CDHR2: variants seen among roughly 807,000 people sequenced by gnomAD.
The protein encoded by CDHR2 is cadherin-related family member 2.
In CDHR2, 104 loss-of-function variants were observed where a neutral mutation model predicts 138.6. The ratio of observed to expected loss-of-function variants is 0.75; its 90% CI spans 0.64 to 0.88. The LOEUF (loss-of-function observed/expected upper bound fraction) is 0.88, where lower values mean the gene tolerates loss of function less well. CDHR2 is among the 40% of genes least tolerant of loss of function. The pLI, the probability that CDHR2 is intolerant of heterozygous loss-of-function variation, is 0.00. For synonymous variants in CDHR2, 755 were observed against 742.8 expected (o/e 1.02, Z -0.27); for missense variants, 1,624 against 1,727.6 (o/e 0.94, Z 1.06).
chr5:176,574,251 C>A, intron 7 of CDHR2, 79 bp downstream of exon 7: 4 of 1,085,022 alleles, frequency 3.7e-6, no homozygotes, highest in Non-Finnish European at 4.2e-6. Context: ...AGGGCCTGAA[C>A]GTTGGGGTGG....
intron 1 of CDHR2, among the ~76,000 whole-genome samples, chr5:176,552,566 T>C (rs751577576): frequency 6.6e-6 from 1 of 152,198 alleles, no homozygotes; most frequent in Admixed American, 6.5e-5. Context: ...TGACCTATCA[T>C]GGGGAAGGCT....
intron 28 of CDHR2, 60 bp from the exon 29 acceptor site, chr5:176,591,150 T>C: frequency 1.7e-6 from 2 of 1,169,744 alleles, no homozygotes; most frequent in East Asian, 2.4e-5. Flanking sequence ...GCTCAGGGCC[T>C]CCACTGGGGA....
chr5:176,577,486 T>C lies in CDHR2; in HGVS notation c.1282T>C (p.Ser428Pro). 1 of 1,611,556 alleles carries C rather than the reference T, an allele frequency of 6.2e-7. No homozygotes were observed. ...CCCGGAGCGGGCAGTGGGCTCAGCC[T>C]CCGTTCAGGTGCTGGTGAGAGTATC... ...VSPERAVGSA[S>P]VQVLVRVSAL... The change falls in exon 13 of 32, where the codon TCC becomes CCC. Residue 428 changes from serine (S) to proline (P), a missense_variant. By Grantham distance (74) the Ser-to-Pro change is moderately conservative. This residue lies in a region of CDHR2 where 1,061 missense variants were observed against 1,136.6 expected (regional missense o/e 0.93). Coordinates refer to ENST00000261944, the MANE Select transcript of CDHR2 (RefSeq NM_017675.6).
At chr5:176,546,812 G>T (rs1396710413), upstream of CDHR2, among the ~76,000 whole-genome samples, 1 of 150,790 alleles carries the variant, frequency 6.6e-6, no homozygotes, top group African/African-American at 2.4e-5. Context: ...CCTGGTCTCT[G>T]GTCTCTTAAC....
chr5:176,589,647 A>G (rs764355727), intron 24 of CDHR2, 31 bp downstream of exon 24: 18 of 1,594,690 alleles, frequency 1.1e-5, no homozygotes. Flanking sequence ...AGGGAGGGGT[A>G]GGAAGAACAG....
At chr5:176,580,567 A>G (rs903383560) in intron 16 of CDHR2, among the ~76,000 whole-genome samples, 8 of 151,848 alleles carry the variant, frequency 5.3e-5, no homozygotes, top group Admixed American at 2.0e-4. Flanking sequence ...AAAAAAAAGA[A>G]AACAAAACAA....
rs766382729 is a variant in CDHR2 at position 176,589,018 on chromosome 5, C to G, written c.2857-13C>G. 5.0e-6 allele frequency: 8 copies of G among 1,613,564 alleles called. No individual in the cohort carries two copies. Among genetic ancestry groups the G allele is most frequent in the Non-Finnish European group, 5.9e-6 (7 of 1,179,724 alleles). On this transcript the variant is annotated splice_polypyrimidine_tract_variant and intron_variant, in intron 21 of 31. Transcript: ENST00000261944. ...TGGCTGGGCCCCCAGATATTGTCCACTCTTGCTCCCAGGCCAGAGACGATG... is the reference window on the plus strand; with the variant it reads ...TGGCTGGGCCCCCAGATATTGTCCAGTCTTGCTCCCAGGCCAGAGACGATG...
At chr5:176,548,604 G>T (rs1252187269), upstream of CDHR2, among the ~76,000 whole-genome samples, 7 of 152,186 alleles carry the variant, frequency 4.6e-5, no homozygotes, top group African/African-American at 1.4e-4. Context: ...TTAGCCGGGT[G>T]TGGAGGCCCA....
At chr5:176,559,917 G>A (rs935933656) in intron 1 of CDHR2, among the ~76,000 whole-genome samples, 1 of 152,130 alleles carries the variant, frequency 6.6e-6, no homozygotes, top group Non-Finnish European at 1.5e-5. Context: ...AGGAAATATC[G>A]GCTTCGTATG....
chr5:176,595,474 C>G, intron 31 of CDHR2, 58 bp from the exon 32 acceptor site: 2 of 1,505,532 alleles, frequency 1.3e-6, no homozygotes, highest in Non-Finnish European at 8.9e-7. Context: ...CCCCTAGGGC[C>G]TGGGGCACTC....
intron 3 of CDHR2, 50 bp from the exon 4 acceptor site, chr5:176,568,628 G>A (rs1249067078): frequency 1.9e-6 from 3 of 1,602,462 alleles, no homozygotes; most frequent in Non-Finnish European, 2.6e-6. Context: ...GGCCAGACCA[G>A]CACTGAAAGG....
At chr5:176,545,894 C>A (rs1757575638), upstream of CDHR2, among the ~76,000 whole-genome samples, 3 of 152,360 alleles carry the variant, frequency 2.0e-5, no homozygotes, top group African/African-American at 7.2e-5. Flanking sequence ...GGCAGGGCAC[C>A]ATCTGGCCAC....
chr5:176,567,036 C>A (rs1030463508), intron 3 of CDHR2: 2 of 456,246 alleles, frequency 4.4e-6, no homozygotes, highest in Middle Eastern at 3.3e-4. Context: ...TGCAAGCAAT[C>A]CCCTGATCAA....
intron 21 of CDHR2, among the ~76,000 whole-genome samples, chr5:176,588,760 G>C (rs1758756962): frequency 6.6e-6 from 1 of 151,932 alleles, no homozygotes; most frequent in African/African-American, 2.4e-5. Context: ...GAGGGGTGTA[G>C]GGGGAGCAGG....
At chr5:176,590,028 C>G (rs758882519) in intron 24 of CDHR2, 50 bp from the exon 25 acceptor site, 4 of 1,475,282 alleles carry the variant, frequency 2.7e-6, no homozygotes, top group Non-Finnish European at 3.8e-6. Context: ...GCCCTGGCCA[C>G]AGGCCCAGGC....
chr5:176,545,431 C>T (rs1757564305), upstream of CDHR2, among the ~76,000 whole-genome samples: 5 of 152,294 alleles, frequency 3.3e-5, no homozygotes, highest in South Asian at 8.3e-4. Flanking sequence ...CGTGAGCCAC[C>T]GCACTCGGCC....
At position 176,575,687 on chromosome 5, in the gene CDHR2, G is replaced by A. The variant is rs1758358960; in HGVS notation, c.845-37G>A. 3 of 1,587,244 alleles carry A rather than the reference G, an allele frequency of 1.9e-6. No homozygotes were observed. The African/African-American group carries it at 4.0e-5, about 21-fold the overall frequency. ...CTGGGGCTCCGTCAGAGCCACTGGA[G>A]CAGCTGTTCCAGCTGTTCCGCCTTT... On this transcript the variant is annotated intron_variant, in intron 10 of 31. Coordinates refer to ENST00000261944, the MANE Select transcript of CDHR2 (RefSeq NM_017675.6).
In CDHR2 at chr5:176,577,424, C is replaced by T. The variant is rs1266638286; in HGVS notation, c.1220C>T (p.Ser407Leu). 17 of 1,609,382 alleles carry T rather than the reference C, an allele frequency of 1.1e-5. No homozygotes were observed. Among genetic ancestry groups the T allele is most frequent in the Middle Eastern group, 1.7e-4 (1 of 6,050 alleles). ...GGCAGCAATGGCACCTTCCTGTTGT[C>T]GCTGGGGGGCCCCGATGCAGAAGCC... is the stretch of plus-strand genomic sequence containing the variant. ...DKGSNGTFLLSLGGPDAEAFS... is the reference protein window; with the variant it reads ...DKGSNGTFLLLLGGPDAEAFS... The change falls in exon 13 of 32, where the codon TCG becomes TTG. Residue 407 changes from serine (S) to leucine (L), a missense_variant. By Grantham distance (145) the Ser-to-Leu change is moderately radical. Transcript: ENST00000261944.
At chr5:176,594,136 G>A (rs1758958516) in intron 31 of CDHR2, among the ~76,000 whole-genome samples, 1 of 152,186 alleles carries the variant, frequency 6.6e-6, no homozygotes, top group African/African-American at 2.4e-5. Flanking sequence ...GTAGGAGAAG[G>A]GTCTGGAGAG....
Sources: allele counts gnomAD v4.1 joint callset (sites outside exome capture counted in the v4.1 genomes callset), GRCh38; gene constraint gnomAD v4.1.1; regional missense constraint gnomAD v4.1.1; transcripts MANE v1.5; gene names NCBI Gene and HGNC (gene_info 2026-07-23, HGNC 2026-07-21).